RCOR2: variants seen among roughly 807,000 people sequenced by gnomAD.
RCOR2 encodes the protein REST corepressor 2.
A neutral mutation model predicts 58.9 loss-of-function variants in RCOR2; 19 were observed. That is an observed-to-expected ratio of 0.32 (90% CI 0.23 to 0.47). RCOR2 has a LOEUF of 0.47. RCOR2 is among the 20% of genes least tolerant of loss of function. RCOR2 has a pLI of 1.00. For missense variants in RCOR2, 590 were observed against 707.9 expected, an observed-to-expected ratio of 0.83 and a Z score of 1.89; for synonymous variants, 286 against 278.7, an observed-to-expected ratio of 1.03 and a Z score of -0.26.
chr11:63,919,803 C>A (rs1231999431), upstream of RCOR2, among the ~76,000 whole-genome samples: 1 of 152,282 alleles, frequency 6.6e-6, no homozygotes, highest in East Asian at 1.9e-4. Flanking sequence ...CACCCTTCCA[C>A]TGGAAGCGAC....
chr11:63,912,560 G>A lies in RCOR2; in HGVS notation c.1028-26C>T, dbSNP rs189520758. ...CTGCAAGGGTCAAAAGGGCAGCAGCGTCAATACCCCTTCGAACTAGTTACT... is the reference window on the plus strand; with the variant it reads ...CTGCAAGGGTCAAAAGGGCAGCAGCATCAATACCCCTTCGAACTAGTTACT... On this transcript the variant is annotated intron_variant, in intron 10 of 11. Coordinates refer to ENST00000301459, the MANE Select transcript of RCOR2 (RefSeq NM_173587.4). The A allele has an allele frequency of 2.4e-5, 38 of 1,597,056 alleles. No homozygotes were observed. The Admixed American group carries it at 3.7e-4, about 15-fold the overall frequency.
intron 8 of RCOR2, 99 bp downstream of exon 8, chr11:63,913,855 C>T (rs1941815440): frequency 8.8e-7 from 1 of 1,138,268 alleles, no homozygotes; most frequent in Non-Finnish European, 1.3e-6. Flanking sequence ...GGGGCTCGGC[C>T]CCTGAACCAT....
At position 63,914,959 on chromosome 11, in the gene RCOR2, A is replaced by G; in HGVS notation, c.266-5T>C. On this transcript the variant is annotated splice_polypyrimidine_tract_variant and splice_region_variant and intron_variant, in intron 3 of 11. Transcript: ENST00000301459. Reference sequence around the variant, plus strand: ...CCATCGCAATGTACTTGTCAACTGCAGGGGCAGCAGGGGCAGGGTCTTGGT... The same window carrying G: ...CCATCGCAATGTACTTGTCAACTGCGGGGGCAGCAGGGGCAGGGTCTTGGT... 6.2e-7 allele frequency: 1 copy of G among 1,613,852 alleles called. No homozygotes were observed.
chr11:63,923,517 G>A, the RCOR2 span, among the ~76,000 whole-genome samples: 1 of 152,088 alleles, frequency 6.6e-6, no homozygotes, highest in African/African-American at 2.4e-5. Context: ...CAGTGACTTT[G>A]TTATCTCTAA....
At chr11:63,925,142 T>C in the RCOR2 span, among the ~76,000 whole-genome samples, 1 of 152,124 alleles carries the variant, frequency 6.6e-6, no homozygotes, top group African/African-American at 2.4e-5. Context: ...TGTGAGCCAC[T>C]GCGCCCAGCC....
At chr11:63,925,546 C>G in the RCOR2 span, among the ~76,000 whole-genome samples, 2 of 151,996 alleles carry the variant, frequency 1.3e-5, no homozygotes, top group Admixed American at 1.3e-4. Flanking sequence ...AGGCCAGGTG[C>G]AGTGGCTCAC....
upstream of RCOR2, among the ~76,000 whole-genome samples, chr11:63,917,234 G>T (rs534492722): frequency 1.3e-5 from 2 of 149,912 alleles, no homozygotes; most frequent in Non-Finnish European, 3.0e-5. Context: ...GCCTCCGCCA[G>T]CTGAACATCT....
chr11:63,916,339 G>C lies in RCOR2; in HGVS notation c.118C>G (p.His40Asp). The change falls in exon 1 of 12, where the codon CAC becomes GAC. Residue 40 changes from histidine (H) to aspartate (D), a missense_variant. By Grantham distance (81) the His-to-Asp change is moderately conservative. Transcript: ENST00000301459. ...AGGCCACCGGGCTCACCGTGCGAGT[G>C]CTCCTCCTCGCTGCTGTCATCCTCC... ...HSEDDSSEEE[H>D]SHDSMIRVGT... 1 of 1,605,194 alleles carries C rather than the reference G, an allele frequency of 6.2e-7. No individual in the cohort carries two copies. The highest frequency in any genetic ancestry group is 8.5e-7 in the Non-Finnish European group (1 of 1,177,136).
In RCOR2 at chr11:63,916,583, G is replaced by T; in HGVS notation, c.-127C>A. 7.0e-7 allele frequency: 1 copy of T among 1,418,982 alleles called. No homozygotes were observed. The highest frequency in any genetic ancestry group is 9.2e-7 in the Non-Finnish European group (1 of 1,084,874). The allele number at this position is 1,418,982 out of a possible 1,614,324, so 87.9% of individuals were successfully genotyped here. A position where few individuals can be genotyped will look rare whatever the true frequency, so the allele number is the denominator to read the frequency against. ...GCCACTGAGGTTAGGAGAGGCAGGA[G>T]GTCAGCGTGGCTAGGGTCCGGCGGG... On this transcript the variant is annotated 5_prime_UTR_variant, in exon 1 of 12. Coordinates refer to ENST00000301459, the MANE Select transcript of RCOR2 (RefSeq NM_173587.4).
Position 63,914,032 on chromosome 11 carries a change from C to T in RCOR2, c.813G>A (p.Thr271=), listed in dbSNP as rs140107613. 5.1e-3 allele frequency: 8,205 copies of T among 1,613,794 alleles called. 26 individuals are homozygous for T. Among genetic ancestry groups the T allele is most frequent in the Non-Finnish European group, 6.5e-3 (7,637 of 1,179,954 alleles). The change falls in exon 8 of 12, where the codon ACG becomes ACA. Residue 271 remains threonine (T), a synonymous_variant. Transcript: ENST00000301459. ...CAAGGTCCGGGCTTCCTGACACTGC[C>T]GTGAGGCCTTCAGGGCTCAGGTACA... ...KGMYLSPEGL[T]AVSGSPDLAN...
intron 8 of RCOR2, among the ~76,000 whole-genome samples, 192 bp downstream of exon 8, chr11:63,913,762 G>A (rs796589330): frequency 2.8e-4 from 42 of 152,304 alleles, no homozygotes; most frequent in African/African-American, 9.6e-4. Flanking sequence ...GATTACAGGC[G>A]TGAGCCAGCG....
At chr11:63,922,781 T>A in the RCOR2 span, among the ~76,000 whole-genome samples, 1 of 152,164 alleles carries the variant, frequency 6.6e-6, no homozygotes, top group Non-Finnish European at 1.5e-5. Context: ...CCATGTATGA[T>A]CCAGCCAAAC....
chr11:63,917,433 CA>C (rs1368158436), upstream of RCOR2, among the ~76,000 whole-genome samples: 2 of 152,108 alleles, frequency 1.3e-5, no homozygotes, highest in Admixed American at 6.5e-5. Flanking sequence ...GGGTCAGCCC[CA>C]CCCACGCGCA....
upstream of RCOR2, among the ~76,000 whole-genome samples, chr11:63,917,886 C>T (rs1941882609): frequency 6.6e-6 from 1 of 152,128 alleles, no homozygotes; most frequent in Non-Finnish European, 1.5e-5. Flanking sequence ...GCATCCCCCT[C>T]CCCCCGGACA....
At position 63,916,664 on chromosome 11, in the gene RCOR2, T is replaced by A; in HGVS notation, c.-208A>T. Reference sequence around the variant, plus strand: ...TCCACGACCCCCACGAGCCAGGGCGTCAGAAAAGTTTGTGCAGAAGTGGGG... The same window carrying A: ...TCCACGACCCCCACGAGCCAGGGCGACAGAAAAGTTTGTGCAGAAGTGGGG... On this transcript the variant is annotated 5_prime_UTR_variant, in exon 1 of 12. Transcript: ENST00000301459. 1.2e-6 allele frequency: 1 copy of A among 829,116 alleles called. No homozygotes were observed. 51.4% of individuals were successfully genotyped at this position (829,116 alleles called of 1,614,324 possible).
At chr11:63,923,438 A>G in the RCOR2 span, among the ~76,000 whole-genome samples, 2 of 151,492 alleles carry the variant, frequency 1.3e-5, no homozygotes, top group African/African-American at 4.9e-5. Context: ...ACACCCCTCC[A>G]TCCCTGTCCT....
At position 63,914,094 on chromosome 11, in the gene RCOR2, G is replaced by A. The variant is rs533046155; in HGVS notation, c.751C>T (p.His251Tyr). The A allele has an allele frequency of 1.2e-6, 2 of 1,613,964 alleles. No homozygotes were observed. Among genetic ancestry groups the A allele is most frequent in the African/African-American group, 2.7e-5 (2 of 75,060 alleles). ...GGGCGACGCCGGGTTCGCAAGGGAT[G>A]GTGGCGGTACTGAGACACCTGGACC... ...KEVQVSQYRH[H>Y]PLRTRRRPPK... The change falls in exon 8 of 12, where the codon CAT (histidine) becomes TAT (tyrosine). Residue 251 changes from histidine to tyrosine, a missense_variant. By Grantham distance (83) the His-to-Tyr change is moderately conservative. Coordinates refer to ENST00000301459, the MANE Select transcript of RCOR2 (RefSeq NM_173587.4).
upstream of RCOR2, among the ~76,000 whole-genome samples, chr11:63,920,982 C>T (rs1214242770): frequency 1.3e-5 from 2 of 152,212 alleles, no homozygotes; most frequent in African/African-American, 4.8e-5. Flanking sequence ...GCACGGTGGC[C>T]GTGCAAGGAG....
rs746643156 is a variant in RCOR2, at chr11:63,914,939, G to A, written c.281C>T (p.Ala94Val). The part of the protein sequence containing the change: ...VSDAKLDKYI[A>V]MAKEKHGYNI... Reference sequence around the variant, plus strand: ...GTAGCCATGCTTCTCCTTGGCCATCGCAATGTACTTGTCAACTGCAGGGGC... The same window carrying A: ...GTAGCCATGCTTCTCCTTGGCCATCACAATGTACTTGTCAACTGCAGGGGC... The change falls in exon 4 of 12, where the codon GCG becomes GTG. Residue 94 changes from alanine to valine, a missense_variant. By Grantham distance (64) the Ala-to-Val change is moderately conservative. This residue lies in a region of RCOR2 where 390 missense variants were observed against 478.7 expected (regional missense o/e 0.81). Coordinates refer to ENST00000301459, the MANE Select transcript of RCOR2 (RefSeq NM_173587.4). 8.1e-6 allele frequency: 13 copies of A among 1,613,940 alleles called. No individual in the cohort carries two copies. The highest frequency in any genetic ancestry group is 1.0e-5 in the Non-Finnish European group (12 of 1,180,016).
Sources: allele counts gnomAD v4.1 joint callset (sites outside exome capture counted in the v4.1 genomes callset), GRCh38; gene constraint gnomAD v4.1.1; regional missense constraint gnomAD v4.1.1; transcripts MANE v1.5; gene names NCBI Gene and HGNC (gene_info 2026-07-23, HGNC 2026-07-21).